Variants in LY96 observed in about 807,000 individuals in gnomAD.
LY96 encodes myeloid differentiation protein-2.
LY96 carries 18 observed loss-of-function variants against 18.9 expected under a neutral mutation model. The ratio of observed to expected loss-of-function variants is 0.95; its 90% CI spans 0.66 to 1.41. LY96 has a LOEUF of 1.41. Among genes scored for constraint, LY96 ranks in the 40% most tolerant of loss-of-function variants. LY96 has a pLI of 0.00. For synonymous variants in LY96, 66 were observed against 62.6 expected, an observed-to-expected ratio of 1.06 and a Z score of -0.26; for missense variants, 175 against 182.4, an observed-to-expected ratio of 0.96 and a Z score of 0.23.
the LY96 span, among the ~76,000 whole-genome samples, chr8:74,038,217 C>T: frequency 3.3e-5 from 5 of 152,084 alleles, no homozygotes; most frequent in African/African-American, 1.2e-4. Flanking sequence ...CTCTTTTTGT[C>T]ATTTTAAGAT....
At chr8:74,049,310 G>A in the LY96 span, among the ~76,000 whole-genome samples, 1 of 152,116 alleles carries the variant, frequency 6.6e-6, no homozygotes, top group Admixed American at 6.5e-5. Context: ...CATACCACTC[G>A]TGATTGCCTA....
chr8:74,042,506 G>A, the LY96 span, among the ~76,000 whole-genome samples: 34 of 151,964 alleles, frequency 2.2e-4, no homozygotes, highest in African/African-American at 8.2e-4. Flanking sequence ...TGACAAAAGC[G>A]AAACTCCATC....
chr8:74,024,137 A>G (rs975365023), intron 3 of LY96, among the ~76,000 whole-genome samples: 6 of 152,214 alleles, frequency 3.9e-5, no homozygotes, highest in African/African-American at 7.2e-5. Flanking sequence ...GAAGCTGGGT[A>G]CTGAGAATTA....
chr8:74,003,246 T>C (rs981359378), intron 1 of LY96, among the ~76,000 whole-genome samples: 5 of 152,184 alleles, frequency 3.3e-5, no homozygotes, highest in African/African-American at 9.6e-5. Context: ...AGGATCTTTA[T>C]TGAATGCACT....
chr8:74,057,872 C>T, the LY96 span, among the ~76,000 whole-genome samples: 1 of 152,166 alleles, frequency 6.6e-6, no homozygotes, highest in Non-Finnish European at 1.5e-5. Context: ...ATAAGTTATG[C>T]TTCAGTATAA....
chr8:74,020,969 A>G (rs947335699), intron 3 of LY96, among the ~76,000 whole-genome samples: 1 of 152,240 alleles, frequency 6.6e-6, no homozygotes, highest in African/African-American at 2.4e-5. Context: ...TAAAAGCCCT[A>G]TAAGAAAACC....
At chr8:74,048,835 GAA>G in the LY96 span, 1 of 150,372 alleles carries the variant, frequency 6.7e-6, no homozygotes, top group South Asian at 2.1e-4. Flanking sequence ...AAGAAAGAAA[GAA>G]AGAAGAAAAG....
the LY96 span, among the ~76,000 whole-genome samples, chr8:74,063,543 C>T: frequency 6.6e-6 from 1 of 152,072 alleles, no homozygotes; most frequent in East Asian, 1.9e-4. Context: ...TAGTCTGTGG[C>T]AGTCCTGCTG....
At chr8:74,010,841 T>C (rs1816515905) in intron 3 of LY96, among the ~76,000 whole-genome samples, 1 of 151,722 alleles carries the variant, frequency 6.6e-6, no homozygotes, top group East Asian at 1.9e-4. Flanking sequence ...ATCCTAACTC[T>C]AAGACATGAC....
At chr8:74,085,000 A>T in the LY96 span, among the ~76,000 whole-genome samples, 4 of 152,356 alleles carry the variant, frequency 2.6e-5, no homozygotes, top group African/African-American at 9.6e-5. Flanking sequence ...GACAAATAAC[A>T]GGTTACGGTG....
chr8:74,094,027 T>G, the LY96 span, among the ~76,000 whole-genome samples: 6 of 152,188 alleles, frequency 3.9e-5, no homozygotes, highest in Non-Finnish European at 5.9e-5. Context: ...CTGCTAAAAT[T>G]ATAATTATAT....
chr8:74,076,747 C>T, the LY96 span, among the ~76,000 whole-genome samples: 1 of 152,132 alleles, frequency 6.6e-6, no homozygotes, highest in Non-Finnish European at 1.5e-5. Context: ...TCACATAACA[C>T]TTCTGACACT....
the LY96 span, among the ~76,000 whole-genome samples, chr8:74,047,740 T>G: frequency 3.3e-5 from 5 of 152,208 alleles, no homozygotes; most frequent in African/African-American, 4.8e-5. Flanking sequence ...CAGGTGGTTG[T>G]GAATTTCTTT....
intron 4 of LY96, among the ~76,000 whole-genome samples, chr8:74,028,477 T>A (rs566446622): frequency 6.6e-6 from 1 of 152,306 alleles, no homozygotes; most frequent in Admixed American, 6.5e-5. Flanking sequence ...GAACATTGTT[T>A]AGGAGAATAA....
At chr8:74,009,374 C>CAAAAAAA (rs370593442) in intron 2 of LY96, among the ~76,000 whole-genome samples, 24 of 58,812 alleles carry the variant, frequency 4.1e-4, no homozygotes, top group African/African-American at 5.2e-4. Context: ...CAGTCTTTCT[C>CAAAAAAA]AAAAAAAAAA....
the LY96 span, among the ~76,000 whole-genome samples, chr8:74,095,044 C>T: frequency 5.9e-5 from 9 of 152,168 alleles, no homozygotes; most frequent in Non-Finnish European, 1.3e-4. Context: ...CAGTGAATTT[C>T]CCAATATTAT....
chr8:74,074,868 T>C, the LY96 span, among the ~76,000 whole-genome samples: 1 of 152,240 alleles, frequency 6.6e-6, no homozygotes, highest in Non-Finnish European at 1.5e-5. Flanking sequence ...TATTTCAATT[T>C]TTTTGAATGT....
intron 1 of LY96, among the ~76,000 whole-genome samples, chr8:73,992,184 A>G (rs1470788744): frequency 6.6e-6 from 1 of 152,076 alleles, no homozygotes; most frequent in African/African-American, 2.4e-5. Flanking sequence ...GCCATACCCT[A>G]ATACTATTCA....
At chr8:74,070,731 CTTT>C in the LY96 span, among the ~76,000 whole-genome samples, 2,588 of 150,084 alleles carry the variant, frequency 0.017, 72 homozygotes, top group African/African-American at 0.06. Flanking sequence ...ATGAGCCTTG[CTTT>C]TTTAAAAAAA....
Sources: allele counts gnomAD v4.1 joint callset (sites outside exome capture counted in the v4.1 genomes callset), GRCh38; gene constraint gnomAD v4.1.1; transcripts MANE v1.5; gene names NCBI Gene and HGNC (gene_info 2026-07-23, HGNC 2026-07-21).